RNF180: variants seen among roughly 807,000 people sequenced by gnomAD.
The protein encoded by RNF180 is E3 ubiquitin-protein ligase RNF180.
A neutral mutation model predicts 59.2 loss-of-function variants in RNF180; 38 were observed. The ratio of observed to expected loss-of-function variants is 0.64; its 90% CI spans 0.50 to 0.84. RNF180 has a LOEUF of 0.84. RNF180 is among the 40% of genes least tolerant of loss of function. The pLI is 0.00. For missense variants in RNF180, 705 were observed against 700.9 expected (o/e 1.01, Z -0.07); for synonymous variants, 262 against 240.3 (o/e 1.09, Z -0.84).
At chr5:64,342,153 T>C (rs1159600340) in intron 7 of RNF180, among the ~76,000 whole-genome samples, 5 of 152,000 alleles carry the variant, frequency 3.3e-5, no homozygotes, top group African/African-American at 1.2e-4. Context: ...ATATAGTAAG[T>C]GGTGGCAAGC....
At chr5:64,211,382 G>A (rs943415374) in intron 2 of RNF180, among the ~76,000 whole-genome samples, 3 of 152,074 alleles carry the variant, frequency 2.0e-5, no homozygotes, top group Non-Finnish European at 2.9e-5. Flanking sequence ...GTTTATTTTT[G>A]TTTGTCCCCC....
intron 5 of RNF180, among the ~76,000 whole-genome samples, chr5:64,320,897 G>A (rs7718048): frequency 1.3e-5 from 2 of 151,892 alleles, no homozygotes; most frequent in Non-Finnish European, 2.9e-5. Context: ...AATTAGCCGG[G>A]CGAGGTGGCG....
chr5:64,175,550 A>T (rs1376498110), intron 1 of RNF180, among the ~76,000 whole-genome samples: 1 of 152,182 alleles, frequency 6.6e-6, no homozygotes, highest in Non-Finnish European at 1.5e-5. Flanking sequence ...GCCAGATAAT[A>T]TGATCTCCAG....
At chr5:64,226,972 T>C (rs967666252) in intron 5 of RNF180, among the ~76,000 whole-genome samples, 1 of 152,182 alleles carries the variant, frequency 6.6e-6, no homozygotes, top group African/African-American at 2.4e-5. Context: ...TGATTAAAGA[T>C]GGAGAAACCC....
At position 64,212,099 on chromosome 5, in the gene RNF180, G is replaced by C; in HGVS notation, c.170G>C (p.Cys57Ser). 6.2e-7 allele frequency: 1 copy of C among 1,605,470 alleles called. No individual in the cohort carries two copies. Among genetic ancestry groups the C allele is most frequent in the Non-Finnish European group, 8.5e-7 (1 of 1,172,470 alleles). The change falls in exon 3 of 8, where the codon TGT becomes TCT. Residue 57 changes from cysteine to serine, a missense_variant. Physicochemically the swap from Cys to Ser is moderately radical, Grantham distance 112. Transcript: ENST00000389100. Reference sequence around the variant, plus strand: ...GATTCAGTTGATGCTCAAAATATTTGTCATGTGTGGCACATGAATGTAGAA... The same window carrying C: ...GATTCAGTTGATGCTCAAAATATTTCTCATGTGTGGCACATGAATGTAGAA... ...KDDSVDAQNICHVWHMNVEAL... is the reference protein window; with the variant it reads ...KDDSVDAQNISHVWHMNVEAL...
chr5:64,242,401 A>G (rs558370644), intron 5 of RNF180, among the ~76,000 whole-genome samples: 1 of 152,220 alleles, frequency 6.6e-6, no homozygotes, highest in Non-Finnish European at 1.5e-5. Flanking sequence ...CCCTAATTAA[A>G]TGCATGTATG....
intron 5 of RNF180, among the ~76,000 whole-genome samples, chr5:64,277,175 T>G (rs1426332327): frequency 7.6e-6 from 1 of 132,238 alleles, no homozygotes; most frequent in Non-Finnish European, 1.6e-5. Context: ...GGATGGGTGG[T>G]CTTAAAAAAA....
At chr5:64,227,565 C>T (rs1741845689) in intron 5 of RNF180, among the ~76,000 whole-genome samples, 1 of 152,208 alleles carries the variant, frequency 6.6e-6, no homozygotes, top group Non-Finnish European at 1.5e-5. Context: ...TCCATTTGTA[C>T]TTTCTATCTG....
At chr5:64,245,506 C>A (rs1298434061) in intron 5 of RNF180, among the ~76,000 whole-genome samples, 4 of 151,910 alleles carry the variant, frequency 2.6e-5, no homozygotes, top group African/African-American at 9.7e-5. Context: ...CAACAGAGAT[C>A]AAAAAAGACA....
At chr5:64,224,570 G>A (rs937870906) in intron 5 of RNF180, among the ~76,000 whole-genome samples, 2 of 152,196 alleles carry the variant, frequency 1.3e-5, no homozygotes, top group Admixed American at 1.3e-4. Flanking sequence ...GCTAGGTACA[G>A]TGGGAGGTAT....
At chr5:64,204,503 T>C (rs1019691189) in intron 2 of RNF180, among the ~76,000 whole-genome samples, 4 of 152,220 alleles carry the variant, frequency 2.6e-5, no homozygotes, top group Non-Finnish European at 5.9e-5. Context: ...CTGCAAAATG[T>C]CTTTTTTTCT....
intron 5 of RNF180, among the ~76,000 whole-genome samples, chr5:64,232,511 G>C (rs1742156155): frequency 6.6e-6 from 1 of 152,174 alleles, no homozygotes; most frequent in South Asian, 2.1e-4. Context: ...ATCCAAGTGT[G>C]TAGCCAGGCT....
intron 5 of RNF180, among the ~76,000 whole-genome samples, chr5:64,312,941 A>G (rs1743846529): frequency 1.3e-5 from 2 of 152,088 alleles, no homozygotes; most frequent in South Asian, 4.1e-4. Flanking sequence ...AAATGGTACT[A>G]TATCTGGGTG....
At chr5:64,286,828 A>G (rs959877580) in intron 5 of RNF180, among the ~76,000 whole-genome samples, 4 of 152,226 alleles carry the variant, frequency 2.6e-5, no homozygotes, top group Non-Finnish European at 5.9e-5. Context: ...GTGGCAAGGA[A>G]AGTTACAGAG....
At chr5:64,367,808 T>G (rs1397918411) in intron 7 of RNF180, among the ~76,000 whole-genome samples, 2 of 151,602 alleles carry the variant, frequency 1.3e-5, no homozygotes, top group Non-Finnish European at 3.0e-5. Flanking sequence ...AGAATTACAT[T>G]TTTCTGCCTA....
chr5:64,226,938 T>G (rs1034384754), intron 5 of RNF180, among the ~76,000 whole-genome samples: 1 of 152,188 alleles, frequency 6.6e-6, no homozygotes, highest in Non-Finnish European at 1.5e-5. Context: ...GCCAGGAAAT[T>G]GCCAAGAAAA....
intron 5 of RNF180, among the ~76,000 whole-genome samples, chr5:64,237,857 C>A (rs960789854): frequency 2.0e-5 from 3 of 152,040 alleles, no homozygotes; most frequent in African/African-American, 7.2e-5. Context: ...CCCACCAACC[C>A]CGCTTTCACT....
chr5:64,189,433 T>C (rs1442740713), intron 1 of RNF180, among the ~76,000 whole-genome samples: 5 of 152,070 alleles, frequency 3.3e-5, no homozygotes, highest in Non-Finnish European at 5.9e-5. Flanking sequence ...GACTGTGTTA[T>C]GGGAAATTGG....
At chr5:64,188,097 A>G (rs1750957934) in intron 1 of RNF180, among the ~76,000 whole-genome samples, 1 of 152,158 alleles carries the variant, frequency 6.6e-6, no homozygotes, top group Admixed American at 6.6e-5. Flanking sequence ...TAGTTTTACA[A>G]AATAATTAAT....
Sources: allele counts gnomAD v4.1 joint callset (sites outside exome capture counted in the v4.1 genomes callset), GRCh38; gene constraint gnomAD v4.1.1; transcripts MANE v1.5; gene names NCBI Gene and HGNC (gene_info 2026-07-23, HGNC 2026-07-21).